Variants in TDRD3 observed in about 807,000 individuals in gnomAD.
The protein encoded by TDRD3 is tudor domain containing 3, also known as tudor domain-containing protein 3.
A neutral mutation model predicts 86.7 loss-of-function variants in TDRD3; 45 were observed. The ratio of observed to expected loss-of-function variants is 0.52; its 90% CI spans 0.41 to 0.67. The LOEUF (loss-of-function observed/expected upper bound fraction) is 0.67. TDRD3 is among the 30% of genes least tolerant of loss of function. TDRD3 has a pLI of 0.00. For missense variants in TDRD3, 814 were observed against 889.0 expected (o/e 0.92, Z 1.07); for synonymous variants, 298 against 301.7 (o/e 0.99, Z 0.13).
At chr13:60,418,263 A>AT (rs1284342376) in intron 1 of TDRD3, among the ~76,000 whole-genome samples, 2 of 151,528 alleles carry the variant, frequency 1.3e-5, no homozygotes, top group African/African-American at 2.4e-5. Context: ...TTCTGCTTGG[A>AT]TTTTTTTCTC....
intron 10 of TDRD3, among the ~76,000 whole-genome samples, chr13:60,525,287 C>G (rs915917840): frequency 6.9e-6 from 1 of 145,614 alleles, no homozygotes; most frequent in Non-Finnish European, 1.5e-5. Context: ...AATTCTCCCA[C>G]TTCACCCTCC....
rs114290248 is a variant in TDRD3 at position 60,450,267 on chromosome 13, T to C, written c.192+5519T>C. On this transcript the variant is annotated intron_variant, in intron 3 of 13. Coordinates refer to ENST00000377881, the MANE Select transcript of TDRD3 (RefSeq NM_001146070.2). Reference sequence around the variant, plus strand: ...CAACTGAGGTGTGACCCTTCTCTTCTAATTTTCTTGACCTCTTTTGAGCAG... The same window carrying C: ...CAACTGAGGTGTGACCCTTCTCTTCCAATTTTCTTGACCTCTTTTGAGCAG... Among the ~76,000 whole-genome samples the C allele has an allele frequency of 9.4e-3, 1,425 of 152,284 alleles. 20 individuals carry two copies. The highest frequency in any genetic ancestry group is 0.032 in the African/African-American group (1,328 of 41,560).
At chr13:60,466,296 T>A (rs912893816) in intron 4 of TDRD3, among the ~76,000 whole-genome samples, 4 of 152,172 alleles carry the variant, frequency 2.6e-5, no homozygotes, top group Non-Finnish European at 5.9e-5. Flanking sequence ...AAAAACAGTA[T>A]TTTTTCTGTG....
In TDRD3 at chr13:60,442,533, C is replaced by G. The variant is rs909007103; in HGVS notation, c.127-2150C>G. Reference sequence around the variant, plus strand: ...AGCATTCTTGGACCCAGTCATCGTCCTAGCAATCCTGATACAATGGCATCT... The same window carrying G: ...AGCATTCTTGGACCCAGTCATCGTCGTAGCAATCCTGATACAATGGCATCT... On this transcript the variant is annotated intron_variant, in intron 2 of 13. Transcript: ENST00000377881. Among the ~76,000 whole-genome samples, 7 of 151,950 alleles carry G rather than the reference C, an allele frequency of 4.6e-5. 1 individual carries two copies. Among genetic ancestry groups the G allele is most frequent in the Non-Finnish European group, 1.0e-4 (7 of 67,952 alleles).
At chr13:60,516,771 A>G (rs762132435) in intron 10 of TDRD3, among the ~76,000 whole-genome samples, 1 of 152,198 alleles carries the variant, frequency 6.6e-6, no homozygotes, top group African/African-American at 2.4e-5. Context: ...TCCACTCACC[A>G]TGTATCATTT....
At chr13:60,567,745 C>T (rs137922342) in intron 13 of TDRD3, 95 bp downstream of exon 13, 393 of 1,479,222 alleles carry the variant, frequency 2.7e-4, no homozygotes, top group African/African-American at 9.4e-4. Flanking sequence ...TTCTCTGAGA[C>T]GAAGTTTCAC....
intron 3 of TDRD3, among the ~76,000 whole-genome samples, chr13:60,450,559 T>G (rs553414670): frequency 1.3e-5 from 2 of 152,320 alleles, no homozygotes; most frequent in Admixed American, 1.3e-4. Flanking sequence ...AAAGAACTTA[T>G]GTAAAGATCC....
chr13:60,530,181 A>T (rs1005094679), intron 11 of TDRD3, among the ~76,000 whole-genome samples: 2 of 152,168 alleles, frequency 1.3e-5, no homozygotes, highest in Non-Finnish European at 2.9e-5. Flanking sequence ...TTGCACTACC[A>T]TGATATTAAG....
intron 1 of TDRD3, among the ~76,000 whole-genome samples, chr13:60,430,265 C>G (rs1954919934): frequency 6.6e-6 from 1 of 152,118 alleles, no homozygotes; most frequent in African/African-American, 2.4e-5. Context: ...TATGTGATCT[C>G]CTTGGGGTTA....
intron 1 of TDRD3, among the ~76,000 whole-genome samples, chr13:60,409,319 G>A (rs757853830): frequency 3.3e-5 from 5 of 152,182 alleles, no homozygotes; most frequent in Non-Finnish European, 7.3e-5. Flanking sequence ...AGTCCCTACT[G>A]GGGCACTGCC....
chr13:60,420,758 TGGTG>T (rs1954633804), intron 1 of TDRD3, among the ~76,000 whole-genome samples: 1 of 151,920 alleles, frequency 6.6e-6, no homozygotes, highest in Non-Finnish European at 1.5e-5. Context: ...CTGGCTAACA[TGGTG>T]AAACCCCGTC....
At position 60,520,451 on chromosome 13, in the gene TDRD3, C is replaced by T. The variant is rs73542971; in HGVS notation, c.1142-7916C>T. ...GTATGTGTTGTTCTCTCCTCTTGGA[C>T]GACTCTTCCCTACTTTCATCACATT... On this transcript the variant is annotated intron_variant, in intron 10 of 13. Coordinates refer to ENST00000377881, the MANE Select transcript of TDRD3 (RefSeq NM_001146070.2). 2.7e-3 allele frequency among the ~76,000 whole-genome samples: 406 copies of T among 152,210 alleles called. 1 individual carries two copies. Among genetic ancestry groups the T allele is most frequent in the African/African-American group, 8.6e-3 (356 of 41,542 alleles).
chr13:60,512,401 GTCC>G (rs1166169019), intron 10 of TDRD3, among the ~76,000 whole-genome samples: 2 of 151,998 alleles, frequency 1.3e-5, no homozygotes, highest in African/African-American at 2.4e-5. Context: ...CAAATATCAT[GTCC>G]TCACATTTCA....
chr13:60,439,599 A>G lies in TDRD3; in HGVS notation c.42-89A>G, dbSNP rs191389244. ...CTAGTATTTGTAGCAGAAGCACTTTATAGTAGAAAACAAAATTGCATGTAG... is the reference window on the plus strand; with the variant it reads ...CTAGTATTTGTAGCAGAAGCACTTTGTAGTAGAAAACAAAATTGCATGTAG... On this transcript the variant is annotated intron_variant, in intron 1 of 13. Coordinates refer to ENST00000377881, the MANE Select transcript of TDRD3 (RefSeq NM_001146070.2). 235 of 918,594 alleles carry G rather than the reference A, an allele frequency of 2.6e-4. 1 individual carries two copies. The East Asian group carries it at 5.2e-3, about 20-fold the overall frequency. The allele number at this position is 918,594 out of a possible 1,614,324, so 56.9% of individuals were successfully genotyped here.
At chr13:60,433,645 A>G (rs563367081) in intron 1 of TDRD3, among the ~76,000 whole-genome samples, 2 of 152,234 alleles carry the variant, frequency 1.3e-5, no homozygotes, top group African/African-American at 4.8e-5. Context: ...TTTAATAAGT[A>G]CAAAGTACAT....
At chr13:60,566,225 A>T (rs1958456127) in intron 12 of TDRD3, among the ~76,000 whole-genome samples, 1 of 152,132 alleles carries the variant, frequency 6.6e-6, no homozygotes, top group Admixed American at 6.5e-5. Context: ...AGCTTTCCCA[A>T]GCTTCAGTAT....
chr13:60,528,507 C>G lies in TDRD3; in HGVS notation c.1282C>G (p.Arg428Gly). The G allele has an allele frequency of 6.2e-7, 1 of 1,613,938 alleles. No individual in the cohort carries two copies. The highest frequency in any genetic ancestry group is 1.1e-5 in the South Asian group (1 of 91,076). ...TRQPRNEKPP[R>G]FQRDSQNSKS... ...GCAGCCAAGAAATGAAAAACCGCCT[C>G]GTTTTCAAAGAGACTCCCAAAATTC... is the stretch of plus-strand genomic sequence containing the variant. The change falls in exon 11 of 14, where the codon CGT becomes GGT. Residue 428 changes from arginine to glycine, a missense_variant. By Grantham distance (125) the Arg-to-Gly change is moderately radical (BLOSUM62 -2). Coordinates refer to ENST00000377881, the MANE Select transcript of TDRD3 (RefSeq NM_001146070.2).
intron 5 of TDRD3, among the ~76,000 whole-genome samples, chr13:60,476,447 A>G (rs1956188833): frequency 6.6e-6 from 1 of 152,114 alleles, no homozygotes. Context: ...TTGTACCAAT[A>G]CCATTCTGTT....
intron 9 of TDRD3, among the ~76,000 whole-genome samples, chr13:60,510,247 A>G (rs1957027861): frequency 1.3e-5 from 2 of 152,210 alleles, no homozygotes; most frequent in Admixed American, 1.3e-4. Flanking sequence ...GTAAATGACT[A>G]AGCTTTTAAA....
Sources: gnomAD v4.1 joint callset for allele counts (sites outside exome capture counted in the v4.1 genomes callset) on GRCh38, gnomAD v4.1.1 for gene constraint, MANE v1.5 for transcripts, NCBI Gene and HGNC (gene_info 2026-07-23, HGNC 2026-07-21) for gene names.